LDAH: variants seen among roughly 807,000 people sequenced by gnomAD.
The protein encoded by LDAH is lipid droplet associated hydrolase, also known as lipid droplet-associated hydrolase.
Under a neutral mutation model 29.6 loss-of-function variants are expected in LDAH, and 26 were observed. The observed-to-expected ratio is 0.88, with a 90% CI of 0.64 to 1.22. The LOEUF is 1.22. LDAH is among the 50% of genes most tolerant of loss of function. LDAH has a pLI of 0.00. For synonymous variants in LDAH, 117 were observed against 133.0 expected, an observed-to-expected ratio of 0.88 and a Z score of 0.83; for missense variants, 344 against 387.3, an observed-to-expected ratio of 0.89 and a Z score of 0.94.
At chr2:20,767,183 G>C (rs1330510933) in intron 4 of LDAH, among the ~76,000 whole-genome samples, 1 of 152,214 alleles carries the variant, frequency 6.6e-6, no homozygotes, top group Admixed American at 6.5e-5. Context: ...CTGTGAGGGG[G>C]TGCAGCTGGG....
chr2:20,744,020 G>A (rs765141748), intron 4 of LDAH, among the ~76,000 whole-genome samples: 28 of 150,754 alleles, frequency 1.9e-4, no homozygotes, highest in Non-Finnish European at 3.7e-4. Context: ...TTTATTTTAC[G>A]GTGTTTTTAC....
intron 3 of LDAH, among the ~76,000 whole-genome samples, chr2:20,775,621 A>G (rs1669762266): frequency 6.6e-6 from 1 of 152,236 alleles, no homozygotes. Context: ...CGAAAAACTT[A>G]GGTAGAAATG....
At chr2:20,792,585 T>G (rs1442032718) in intron 2 of LDAH, among the ~76,000 whole-genome samples, 1 of 152,188 alleles carries the variant, frequency 6.6e-6, no homozygotes, top group Admixed American at 6.5e-5. Flanking sequence ...GTAGTTGGCA[T>G]TTTCATTAGA....
At chr2:20,820,193 G>A (rs1273773428) in intron 1 of LDAH, among the ~76,000 whole-genome samples, 1 of 151,910 alleles carries the variant, frequency 6.6e-6, no homozygotes, top group Non-Finnish European at 1.5e-5. Flanking sequence ...TACTGCCCAA[G>A]GTAATTTATA....
chr2:20,811,638 C>T (rs1572686655), intron 1 of LDAH, among the ~76,000 whole-genome samples: 1 of 151,792 alleles, frequency 6.6e-6, no homozygotes, highest in Non-Finnish European at 1.5e-5. Context: ...GCGCCTGCCA[C>T]CATGCCTGGC....
chr2:20,762,476 G>A (rs1377463339), intron 4 of LDAH, among the ~76,000 whole-genome samples: 3 of 152,104 alleles, frequency 2.0e-5, no homozygotes, highest in Middle Eastern at 6.8e-3. Context: ...AATGGATATC[G>A]AAGTACACAC....
intron 5 of LDAH, among the ~76,000 whole-genome samples, chr2:20,708,591 A>C (rs1052105135): frequency 1.6e-4 from 25 of 152,228 alleles, no homozygotes; most frequent in Non-Finnish European, 3.7e-4. Flanking sequence ...AAATTAATAA[A>C]CATTCAACAA....
chr2:20,809,850 C>T (rs1052963518), intron 1 of LDAH, among the ~76,000 whole-genome samples: 10 of 152,170 alleles, frequency 6.6e-5, no homozygotes, highest in Non-Finnish European at 1.2e-4. Context: ...AGCTGTCCTA[C>T]TGTTCACTAT....
intron 5 of LDAH, among the ~76,000 whole-genome samples, chr2:20,732,190 T>G (rs1230994955): frequency 6.6e-6 from 1 of 152,194 alleles, no homozygotes; most frequent in African/African-American, 2.4e-5. Flanking sequence ...TATTAATGGA[T>G]TTTTGAATAT....
intron 5 of LDAH, among the ~76,000 whole-genome samples, chr2:20,730,163 G>A (rs1007791778): frequency 6.6e-6 from 1 of 152,102 alleles, no homozygotes; most frequent in African/African-American, 2.4e-5. Context: ...TTATTATCAA[G>A]TAGAATTCCA....
chr2:20,740,312 T>C, intron 4 of LDAH, 107 bp from the exon 5 acceptor site: 1 of 755,348 alleles, frequency 1.3e-6, no homozygotes, highest in Non-Finnish European at 2.2e-6. Flanking sequence ...TTAGAATGAC[T>C]AGAGATCTCT....
At position 20,816,515 on chromosome 2, in the gene LDAH, T is replaced by C. The variant is rs77218659; in HGVS notation, c.-3+6522A>G. 1.3e-3 allele frequency among the ~76,000 whole-genome samples: 200 copies of C among 152,214 alleles called. 1 individual carries two copies. In the East Asian group the frequency reaches 0.026, roughly 20 times the overall value. On this transcript the variant is annotated intron_variant, in intron 1 of 6. Transcript: ENST00000237822. ...GTAGACTTCAGAGCAAAGAAAATTA[T>C]TGTACAAAGATACAAGGATTAATTC...
At chr2:20,687,160 A>AGCG (rs1209556092) in intron 6 of LDAH, 66 bp from the exon 7 acceptor site, 3 of 1,348,528 alleles carry the variant, frequency 2.2e-6, no homozygotes, top group Non-Finnish European at 1.0e-6. Flanking sequence ...ATATGACACC[A>AGCG]GCAGCCGGCA....
At chr2:20,802,733 T>C (rs1472931492) in intron 1 of LDAH, among the ~76,000 whole-genome samples, 6 of 152,240 alleles carry the variant, frequency 3.9e-5, no homozygotes, top group Non-Finnish European at 5.9e-5. Flanking sequence ...TCTGCTTCTA[T>C]AACTTTGCTC....
At chr2:20,745,177 G>A (rs1667482850) in intron 4 of LDAH, among the ~76,000 whole-genome samples, 1 of 152,140 alleles carries the variant, frequency 6.6e-6, no homozygotes, top group African/African-American at 2.4e-5. Flanking sequence ...CTTCAAAGTA[G>A]AAACACTGGG....
At chr2:20,710,631 TATAG>T (rs1664666214) in intron 5 of LDAH, among the ~76,000 whole-genome samples, 1 of 134,532 alleles carries the variant, frequency 7.4e-6, no homozygotes, top group African/African-American at 2.6e-5. Context: ...GATATATATA[TATAG>T]ATATATAGTA....
At chr2:20,784,405 T>G (rs571746055) in intron 3 of LDAH, among the ~76,000 whole-genome samples, 2 of 152,098 alleles carry the variant, frequency 1.3e-5, no homozygotes, top group Admixed American at 1.3e-4. Context: ...AGACTGTATC[T>G]CTAAATAAAT....
chr2:20,704,130 A>G (rs1386722105), intron 5 of LDAH, among the ~76,000 whole-genome samples: 1 of 152,246 alleles, frequency 6.6e-6, no homozygotes, highest in Non-Finnish European at 1.5e-5. Flanking sequence ...TTGGGTTAGC[A>G]GCACTCTAGA....
intron 3 of LDAH, among the ~76,000 whole-genome samples, chr2:20,778,922 C>CATATATAT (rs58528359): frequency 1.4e-5 from 2 of 147,898 alleles, no homozygotes; most frequent in African/African-American, 5.0e-5. Flanking sequence ...AACTGCCATT[C>CATATATAT]ATATATATAT....
Sources: gnomAD v4.1 joint callset for allele counts (sites outside exome capture counted in the v4.1 genomes callset) on GRCh38, gnomAD v4.1.1 for gene constraint, MANE v1.5 for transcripts, NCBI Gene and HGNC (gene_info 2026-07-23, HGNC 2026-07-21) for gene names.